Variants in ECPAS observed in about 807,000 individuals in gnomAD.
The protein encoded by ECPAS is Ecm29 proteasome adaptor and scaffold.
A neutral mutation model predicts 255.1 loss-of-function variants in ECPAS; 70 were observed. That is an observed-to-expected ratio of 0.27 (90% CI 0.23 to 0.33). ECPAS has a LOEUF of 0.33. ECPAS is among the 10% of genes least tolerant of loss of function. The pLI is 1.00. For synonymous variants in ECPAS, 784 were observed against 775.0 expected (o/e 1.01, Z -0.19); for missense variants, 1,817 against 2,206.4 (o/e 0.82, Z 3.54).
rs398011866 is a variant in ECPAS, at chr9:111,480,292, C to CTTTTTTTT, written c.-83+3816_-83+3823dup. On this transcript the variant is annotated intron_variant, in intron 1 of 49. Coordinates refer to ENST00000684092, the MANE Select transcript of ECPAS (RefSeq NM_001364929.1). Reference sequence around the variant, plus strand: ...AGTGGAATTCTTAAAAGCACCTTTTCTTTTTTTTTTTTTTTTTTTTTTTGA... The same window carrying CTTTTTTTT: ...AGTGGAATTCTTAAAAGCACCTTTTCTTTTTTTTTTTTTTTTTTTTTTTTTTTTTTTGA... Among the ~76,000 whole-genome samples, 58 of 63,626 alleles carry CTTTTTTTT rather than the reference C, an allele frequency of 9.1e-4. 1 individual carries two copies. The highest frequency in any genetic ancestry group is 2.1e-3 in the African/African-American group (34 of 15,844). The allele number at this position is 63,626 out of a possible 152,430, so 41.7% of individuals were successfully genotyped here.
intron 1 of ECPAS, among the ~76,000 whole-genome samples, chr9:111,477,313 T>C (rs897640151): frequency 6.6e-6 from 1 of 152,028 alleles, no homozygotes; most frequent in Non-Finnish European, 1.5e-5. Flanking sequence ...GGTTTCATCA[T>C]GTTGGCCAGG....
chr9:111,425,238 T>A (rs1430159206), intron 12 of ECPAS, among the ~76,000 whole-genome samples, 180 bp downstream of exon 12: 2 of 151,452 alleles, frequency 1.3e-5, no homozygotes, highest in African/African-American at 4.9e-5. Context: ...AACAGTTATT[T>A]CCCCCCAAAA....
rs1234773222 is a variant in ECPAS, at chr9:111,410,135, G to A, written c.2456C>T (p.Pro819Leu). The A allele has an allele frequency of 5.6e-6, 9 of 1,611,664 alleles. No individual in the cohort carries two copies. Among genetic ancestry groups the A allele is most frequent in the South Asian group, 2.2e-5 (2 of 90,346 alleles). The part of the protein sequence containing the change: ...TALGEIGRNG[P>L]LPIPSEGSGF... ...AGATCCCTCACTGGGGATTGGAAGT[G>A]GACCATTTCTGCCAATTTCACCCAG... Residue 819 changes from proline to leucine, a missense_variant, in exon 23 of 50, where the codon CCA (proline) becomes CTA (leucine). Transcript: ENST00000684092.
chr9:111,399,346 A>C (rs968830924), intron 24 of ECPAS, among the ~76,000 whole-genome samples: 1 of 152,226 alleles, frequency 6.6e-6, no homozygotes, highest in Non-Finnish European at 1.5e-5. Context: ...GAGGAGACTG[A>C]CTGAATAGAG....
chr9:111,400,236 A>G (rs554776454), intron 24 of ECPAS, among the ~76,000 whole-genome samples: 1 of 152,336 alleles, frequency 6.6e-6, no homozygotes, highest in South Asian at 2.1e-4. Flanking sequence ...CAGTGACCAC[A>G]GGCTTAGGGA....
In ECPAS at chr9:111,459,584, G is replaced by A. The variant is rs527996263; in HGVS notation, c.23-8029C>T. ...ATAACCCCATTTACTACCACCAAAG[G>A]AAAACTGAGCCAGGCCAGAAAGCTA... On this transcript the variant is annotated intron_variant, in intron 2 of 49. Coordinates refer to ENST00000684092, the MANE Select transcript of ECPAS (RefSeq NM_001364929.1). Among the ~76,000 whole-genome samples, 8 of 152,104 alleles carry A rather than the reference G, an allele frequency of 5.3e-5. No individual in the cohort carries two copies. In the South Asian group the frequency reaches 1.7e-3, roughly 32 times the overall value.
intron 24 of ECPAS, among the ~76,000 whole-genome samples, chr9:111,399,244 G>A (rs900852556): frequency 1.3e-5 from 2 of 151,784 alleles, no homozygotes; most frequent in East Asian, 3.9e-4. Context: ...TCTAATGCAG[G>A]AACATCAAAC....
intron 6 of ECPAS, among the ~76,000 whole-genome samples, chr9:111,438,573 C>A (rs114450417): frequency 0.011 from 1,679 of 152,290 alleles, 23 homozygotes; most frequent in African/African-American, 0.038. Flanking sequence ...GCACAGTAGC[C>A]TGGGCGACAG....
At chr9:111,417,815 T>G (rs1356650849) in intron 17 of ECPAS, 68 bp downstream of exon 17, 5 of 1,395,544 alleles carry the variant, frequency 3.6e-6, no homozygotes, top group African/African-American at 1.5e-5. Context: ...CATTTTTCAC[T>G]TTAAAGATGT....
intron 9 of ECPAS, among the ~76,000 whole-genome samples, chr9:111,429,283 A>G (rs750115470): frequency 6.6e-6 from 1 of 152,024 alleles, no homozygotes; most frequent in Admixed American, 6.6e-5. Flanking sequence ...AAATGAGTAC[A>G]TAACACTGAA....
intron 2 of ECPAS, among the ~76,000 whole-genome samples, chr9:111,462,850 C>T (rs936548815): frequency 6.7e-6 from 1 of 150,244 alleles, no homozygotes; most frequent in African/African-American, 2.5e-5. Context: ...TCAAGCGATT[C>T]TCCTGCCTCA....
chr9:111,454,502 A>G (rs373601087), intron 2 of ECPAS, among the ~76,000 whole-genome samples: 20 of 152,264 alleles, frequency 1.3e-4, no homozygotes, highest in African/African-American at 4.8e-4. Flanking sequence ...AAGAGCACCA[A>G]CCACCATGTG....
Position 111,410,974 on chromosome 9 carries a change from A to C in ECPAS, c.2377+6T>G. On this transcript the variant is annotated splice_donor_region_variant and intron_variant, in intron 22 of 49. Coordinates refer to ENST00000684092, the MANE Select transcript of ECPAS (RefSeq NM_001364929.1). ...ACACCCAAATCGACATAAAGACATT[A>C]ATTACCTATTGTTTCTGTAGCACTC... 6.2e-7 allele frequency: 1 copy of C among 1,609,706 alleles called. No individual in the cohort carries two copies. Among genetic ancestry groups the C allele is most frequent in the Non-Finnish European group, 8.5e-7 (1 of 1,177,162 alleles).
At position 111,391,830 on chromosome 9, in the gene ECPAS, C is replaced by T. The variant is rs772922556; in HGVS notation, c.3093-6G>A. On this transcript the variant is annotated splice_region_variant and splice_polypyrimidine_tract_variant and intron_variant, in intron 28 of 49. Transcript: ENST00000684092. Reference sequence around the variant, plus strand: ...CAGAAACTTCATGTTTAACTCTAAACCAAAACAATAATTTCAATAAGCTTC... The same window carrying T: ...CAGAAACTTCATGTTTAACTCTAAATCAAAACAATAATTTCAATAAGCTTC... 6.9e-6 allele frequency: 11 copies of T among 1,586,476 alleles called. No homozygotes were observed. Among genetic ancestry groups the T allele is most frequent in the African/African-American group, 6.7e-5 (5 of 74,604 alleles).
intron 46 of ECPAS, among the ~76,000 whole-genome samples, chr9:111,368,245 G>A (rs1460372428): frequency 1.3e-5 from 2 of 152,132 alleles, no homozygotes; most frequent in African/African-American, 4.8e-5. Context: ...GAGGTTTACT[G>A]TTCATTTAAT....
intron 1 of ECPAS, among the ~76,000 whole-genome samples, chr9:111,475,650 C>T (rs1408913576): frequency 6.6e-6 from 1 of 151,540 alleles, no homozygotes; most frequent in African/African-American, 2.4e-5. Context: ...ACAGGAGAAT[C>T]ACTTGAACCT....
intron 17 of ECPAS, 81 bp downstream of exon 17, chr9:111,417,802 T>C (rs2098206502): frequency 3.8e-6 from 5 of 1,300,380 alleles, no homozygotes; most frequent in Non-Finnish European, 5.2e-6. Context: ...CATCTAGTGA[T>C]TACATTTTTC....
chr9:111,392,389 G>A (rs759858596), intron 28 of ECPAS, among the ~76,000 whole-genome samples: 1 of 152,176 alleles, frequency 6.6e-6, no homozygotes, highest in African/African-American at 2.4e-5. Context: ...CTACAAGGGA[G>A]GCAACATGAA....
chr9:111,411,250 G>C, intron 21 of ECPAS, 108 bp from the exon 22 acceptor site: 1 of 1,148,080 alleles, frequency 8.7e-7, no homozygotes, highest in Non-Finnish European at 1.3e-6. Flanking sequence ...CAAAACATAA[G>C]GCTAAAGAAT....
Sources: allele counts gnomAD v4.1 joint callset (sites outside exome capture counted in the v4.1 genomes callset), GRCh38; gene constraint gnomAD v4.1.1; transcripts MANE v1.5; gene names NCBI Gene and HGNC (gene_info 2026-07-23, HGNC 2026-07-21).